MYH14: variants seen among roughly 807,000 people sequenced by gnomAD.
The protein encoded by MYH14 is myosin-14.
MYH14 carries 123 observed loss-of-function variants against 255.5 expected under a neutral mutation model. The ratio of observed to expected loss-of-function variants is 0.48; its 90% CI spans 0.42 to 0.56. The LOEUF (loss-of-function observed/expected upper bound fraction) is 0.56, where lower values mean the gene tolerates loss of function less well. Among genes scored for constraint, MYH14 ranks in the 20% least tolerant of loss-of-function variants. The pLI is 0.00. For missense variants in MYH14, 2,423 were observed against 2,802.3 expected, an observed-to-expected ratio of 0.86 and a Z score of 3.06; for synonymous variants, 1,095 against 1,161.2, an observed-to-expected ratio of 0.94 and a Z score of 1.16.
At position 50,230,413 on chromosome 19, in the gene MYH14, CCACTA is replaced by C; in HGVS notation, c.875-108_875-104del. The C allele has an allele frequency of 2.1e-6, 2 of 942,772 alleles. No homozygotes were observed. The highest frequency in any genetic ancestry group is 5.3e-5 in the East Asian group (2 of 37,840). The allele number at this position is 942,772 out of a possible 1,614,324, so 58.4% of individuals were successfully genotyped here. On this transcript the variant is annotated intron_variant, in intron 8 of 42. Transcript: ENST00000642316. The surrounding 1 kb of genome is among the most constrained non-coding windows in gnomAD (Gnocchi z 4.7). ...TCACCAGCCTGGGCTGTGAGCGACT[CCACTA>C]CACCACAGGAGAGAAGGGGGCAGCG...
chr19:50,221,197 T>C lies in MYH14; in HGVS notation c.563-1886T>C, dbSNP rs2032800968. 6.6e-6 allele frequency among the ~76,000 whole-genome samples: 1 copy of C among 152,158 alleles called. No individual in the cohort carries two copies. The highest frequency in any genetic ancestry group is 2.4e-5 in the African/African-American group (1 of 41,452). On this transcript the variant is annotated intron_variant, in intron 3 of 42. Transcript: ENST00000642316. This position sits in a 1 kb window ranked among gnomAD's most constrained non-coding sequence, Gnocchi z 5.3. ...ACTGTGCTGAGTGCATTTTGAGCAT[T>C]CTGAGTTCTGACTACAGCCCTGGGA...
chr19:50,285,215 A>AT (rs1284408846), intron 33 of MYH14: 1 of 151,978 alleles, frequency 6.6e-6, no homozygotes, highest in Non-Finnish European at 1.5e-5. Flanking sequence ...ATTTGAAGTT[A>AT]TTTTGCCTCT....
At chr19:50,215,338 G>T (rs905536103) in intron 2 of MYH14, among the ~76,000 whole-genome samples, 3 of 152,270 alleles carry the variant, frequency 2.0e-5, no homozygotes, top group African/African-American at 2.4e-5. Context: ...CTGAGAGCTG[G>T]GGGGAGCTCC....
At chr19:50,232,614 A>C (rs1251005639) in intron 10 of MYH14, among the ~76,000 whole-genome samples, 10 of 151,002 alleles carry the variant, frequency 6.6e-5, no homozygotes, top group East Asian at 1.9e-4. Flanking sequence ...AAAAAAAAAA[A>C]AACAAAAAGA....
At chr19:50,224,199 C>G (rs754161558) in intron 6 of MYH14, 22 bp downstream of exon 6, 2 of 1,613,876 alleles carry the variant, frequency 1.2e-6, no homozygotes, top group African/African-American at 2.7e-5. Flanking sequence ...GGGATCACCT[C>G]GAGTCTTGCT....
At chr19:50,207,906 A>G (rs1400628501) in intron 1 of MYH14, among the ~76,000 whole-genome samples, 1 of 152,236 alleles carries the variant, frequency 6.6e-6, no homozygotes, top group African/African-American at 2.4e-5. Context: ...ACAGCCACAC[A>G]GATGCATTGT....
chr19:50,222,605 G>A (rs1451039514), intron 3 of MYH14, among the ~76,000 whole-genome samples: 1 of 151,976 alleles, frequency 6.6e-6, no homozygotes, highest in African/African-American at 2.4e-5. Context: ...GCTCTGTAGG[G>A]GCACACACCC....
intron 39 of MYH14, among the ~76,000 whole-genome samples, chr19:50,298,071 A>C (rs4802693): frequency 0.67 from 101,483 of 151,922 alleles, 36,178 homozygotes; most frequent in East Asian, 0.99. Context: ...AAGCTGCCCA[A>C]ACCCTGTCCT....
intron 1 of MYH14, among the ~76,000 whole-genome samples, chr19:50,205,774 G>A (rs2031709005): frequency 6.6e-6 from 1 of 152,296 alleles, no homozygotes; most frequent in Admixed American, 6.5e-5. Flanking sequence ...GGGGAGGAGG[G>A]GGCTGCAAGC....
At chr19:50,287,857 C>T (rs187606371) in intron 34 of MYH14, among the ~76,000 whole-genome samples, 5 of 152,230 alleles carry the variant, frequency 3.3e-5, no homozygotes, top group South Asian at 2.1e-4. Context: ...ACCACTCCCC[C>T]GACATGACTA....
intron 40 of MYH14, among the ~76,000 whole-genome samples, chr19:50,303,479 C>T (rs1466302719): frequency 6.6e-6 from 1 of 152,100 alleles, no homozygotes; most frequent in Non-Finnish European, 1.5e-5. Flanking sequence ...GTCACTTCTG[C>T]CATATCCTAT....
intron 34 of MYH14, among the ~76,000 whole-genome samples, 189 bp downstream of exon 34, chr19:50,286,883 C>A (rs906073704): frequency 2.0e-5 from 3 of 152,142 alleles, no homozygotes; most frequent in Admixed American, 2.0e-4. Context: ...TTTGGGAGGC[C>A]AAGGTGGGCG....
chr19:50,293,735 G>A lies in MYH14; in HGVS notation c.5469+48G>A, dbSNP rs1389274966. On this transcript the variant is annotated intron_variant, in intron 39 of 42. Coordinates refer to ENST00000642316, the MANE Select transcript of MYH14 (RefSeq NM_001145809.2). This position sits in a 1 kb window ranked among gnomAD's most constrained non-coding sequence, Gnocchi z 4.1. The stretch of plus-strand genomic sequence containing the variant: ...ACCAGCCTCAGTCCCCATTGACCTG[G>A]GACCGTAACCTTCAGTCCTCTTATT... 9 of 1,510,000 alleles carry A rather than the reference G, an allele frequency of 6.0e-6. No individual in the cohort carries two copies. In the African/African-American group the frequency reaches 1.1e-4, roughly 19 times the overall value. The allele number at this position is 1,510,000 out of a possible 1,614,324, so 93.5% of individuals were successfully genotyped here.
intron 3 of MYH14, among the ~76,000 whole-genome samples, chr19:50,220,026 C>T (rs553459807): frequency 6.6e-6 from 1 of 152,042 alleles, no homozygotes; most frequent in African/African-American, 2.4e-5. Flanking sequence ...CATAACAAGA[C>T]CCTGTCTCTA....
chr19:50,306,288 A>G (rs573283440), intron 40 of MYH14, among the ~76,000 whole-genome samples: 1 of 152,312 alleles, frequency 6.6e-6, no homozygotes, highest in South Asian at 2.1e-4. Context: ...CTCAAAAAAA[A>G]AGAAGTCTCT....
At position 50,266,821 on chromosome 19, in the gene MYH14, A is replaced by G; in HGVS notation, c.2695-56A>G. ...ACCCAGAAACTCAAACCCCACTAAG[A>G]GTGTGAGGTCTTGGCGCCTGAAGTC... is the stretch of plus-strand genomic sequence containing the variant. On this transcript the variant is annotated intron_variant, in intron 22 of 42. Transcript: ENST00000642316. This position sits in a 1 kb window ranked among gnomAD's most constrained non-coding sequence, Gnocchi z 4.1. 6.5e-7 allele frequency: 1 copy of G among 1,549,424 alleles called. No individual in the cohort carries two copies. Among genetic ancestry groups the G allele is most frequent in the Non-Finnish European group, 8.7e-7 (1 of 1,145,326 alleles).
intron 5 of MYH14, 115 bp from the exon 6 acceptor site, chr19:50,224,039 T>TCCCCCCCCCCCCCCCC: frequency 2.4e-6 from 1 of 415,104 alleles, no homozygotes; most frequent in Non-Finnish European, 4.3e-6. Context: ...GTTTCCCCAG[T>TCCCCCCCCCCCCCCCC]CCCCCTTCCC....
At chr19:50,234,109 C>T (rs1051880572) in intron 10 of MYH14, among the ~76,000 whole-genome samples, 12 of 152,112 alleles carry the variant, frequency 7.9e-5, no homozygotes, top group African/African-American at 2.2e-4. Context: ...CATGAGCCAC[C>T]GCACCTGGCC....
At chr19:50,253,993 G>A (rs28675228) in intron 16 of MYH14, among the ~76,000 whole-genome samples, 26,026 of 152,146 alleles carry the variant, frequency 0.17, 2,653 homozygotes, top group Non-Finnish European at 0.23. Context: ...CAAGGTGGAC[G>A]GGTCACCTGA....
Sources: gnomAD v4.1 joint callset for allele counts (sites outside exome capture counted in the v4.1 genomes callset) on GRCh38, gnomAD v4.1.1 for gene constraint, Gnocchi (gnomAD v3.1) non-coding constraint, MANE v1.5 for transcripts, NCBI Gene and HGNC (gene_info 2026-07-23, HGNC 2026-07-21) for gene names.